Variants in GPHN observed in about 807,000 individuals in gnomAD.
GPHN encodes the protein gephyrin.
In GPHN, 17 loss-of-function variants were observed where a neutral mutation model predicts 95.5. The ratio of observed to expected loss-of-function variants is 0.18; its 90% confidence interval spans 0.12 to 0.27. The LOEUF is 0.27. Ranked by LOEUF, GPHN falls within the 10% of genes least tolerant of loss-of-function variation. The probability of loss-of-function intolerance (pLI) is 1.00; values close to 1 mark genes in which losing one functional copy is unlikely to be tolerated. For synonymous variants in GPHN, 320 were observed against 322.5 expected (o/e 0.99, Z 0.08); for missense variants, 660 against 978.1 (o/e 0.67, Z 4.34).
At chr14:67,254,675 T>C in the GPHN span, among the ~76,000 whole-genome samples, 3,114 of 152,350 alleles carry the variant, frequency 0.02, 103 homozygotes, top group African/African-American at 0.071. Context: ...CTGATAACTC[T>C]GAAATGGTTA....
At chr14:67,336,838 A>G in the GPHN span, 1 of 451,298 alleles carries the variant, frequency 2.2e-6, no homozygotes, top group Admixed American at 2.4e-5. Context: ...ACTGAACCTA[A>G]GATTTTATTC....
intron 5 of GPHN, among the ~76,000 whole-genome samples, chr14:66,900,126 G>T (rs1287394480): frequency 6.6e-6 from 1 of 151,306 alleles, no homozygotes; most frequent in African/African-American, 2.4e-5. Context: ...CCTGATATTG[G>T]TAATTTCCAT....
At chr14:66,573,065 G>T (rs2060760512) in intron 1 of GPHN, among the ~76,000 whole-genome samples, 1 of 152,174 alleles carries the variant, frequency 6.6e-6, no homozygotes, top group South Asian at 2.1e-4. Flanking sequence ...AATAATAAAT[G>T]ATACCATTTG....
At chr14:66,772,739 T>C (rs939090823) in intron 2 of GPHN, among the ~76,000 whole-genome samples, 2 of 152,232 alleles carry the variant, frequency 1.3e-5, no homozygotes, top group South Asian at 2.1e-4. Flanking sequence ...ATTTCTGATA[T>C]ATGTTTTTAA....
chr14:67,714,224 C>T, the GPHN span, among the ~76,000 whole-genome samples: 3 of 152,178 alleles, frequency 2.0e-5, no homozygotes, highest in Non-Finnish European at 2.9e-5. Flanking sequence ...CAGCCTCCAC[C>T]TTCAGGGCTC....
chr14:66,706,257 A>C (rs528103283), intron 2 of GPHN, among the ~76,000 whole-genome samples: 1 of 152,192 alleles, frequency 6.6e-6, no homozygotes, highest in Non-Finnish European at 1.5e-5. Flanking sequence ...TATAGATTCA[A>C]TGCTGTTCCC....
chr14:66,977,222 G>T (rs561304530), intron 9 of GPHN, among the ~76,000 whole-genome samples: 80 of 152,242 alleles, frequency 5.3e-4, no homozygotes, highest in Non-Finnish European at 9.9e-4. Flanking sequence ...ACGAGGCCAG[G>T]AGATCGAGAC....
the GPHN span, among the ~76,000 whole-genome samples, chr14:67,309,737 A>G: frequency 6.6e-6 from 1 of 152,208 alleles, no homozygotes; most frequent in Non-Finnish European, 1.5e-5. Context: ...TAATTACCCA[A>G]GGAACCTGAT....
chr14:66,995,789 G>A (rs755028114), intron 9 of GPHN, among the ~76,000 whole-genome samples: 4 of 152,118 alleles, frequency 2.6e-5, no homozygotes, highest in African/African-American at 9.7e-5. Flanking sequence ...TACTGTGAAC[G>A]TGTATGGTAG....
intron 1 of GPHN, among the ~76,000 whole-genome samples, chr14:66,597,272 T>C (rs1408275461): frequency 1.3e-5 from 2 of 152,204 alleles, no homozygotes; most frequent in Non-Finnish European, 2.9e-5. Flanking sequence ...GCTACTCACA[T>C]GCTCAAAATT....
chr14:66,670,298 T>A (rs2066231482), intron 1 of GPHN, among the ~76,000 whole-genome samples: 1 of 152,158 alleles, frequency 6.6e-6, no homozygotes, highest in Admixed American at 6.6e-5. Context: ...TTGAAGATGT[T>A]TGGAAGATTT....
the GPHN span, among the ~76,000 whole-genome samples, chr14:67,699,017 G>T: frequency 6.6e-6 from 1 of 152,076 alleles, no homozygotes; most frequent in Non-Finnish European, 1.5e-5. Flanking sequence ...TTGGGAGGCC[G>T]AAATGGATGG....
chr14:66,746,631 C>T (rs2058161357), intron 2 of GPHN, among the ~76,000 whole-genome samples: 1 of 150,738 alleles, frequency 6.6e-6, no homozygotes, highest in African/African-American at 2.5e-5. Flanking sequence ...TCCTGGTCTC[C>T]CTTCCCTAAG....
At chr14:66,801,290 T>G (rs8018159) in intron 3 of GPHN, among the ~76,000 whole-genome samples, 132,594 of 152,022 alleles carry the variant, frequency 0.87, 58,319 homozygotes, top group Middle Eastern at 0.98. Context: ...TAAAGTGTTA[T>G]GTATTTCCTG....
chr14:67,016,364 A>G (rs1364523171), intron 9 of GPHN, among the ~76,000 whole-genome samples: 4 of 152,078 alleles, frequency 2.6e-5, no homozygotes, highest in Non-Finnish European at 5.9e-5. Flanking sequence ...GCATTAAATA[A>G]CAAACTAGGA....
intron 19 of GPHN, among the ~76,000 whole-genome samples, chr14:67,159,821 C>G (rs550089658): frequency 1.3e-5 from 2 of 152,180 alleles, no homozygotes; most frequent in African/African-American, 4.8e-5. Context: ...AATATGAGAA[C>G]TCTGAAATAT....
chr14:66,946,476 GCTCGCTGCAAA>G (rs1369924355), intron 8 of GPHN, among the ~76,000 whole-genome samples: 1 of 152,084 alleles, frequency 6.6e-6, no homozygotes, highest in African/African-American at 2.4e-5. Context: ...CACAATCTCG[GCTCGCTGCAAA>G]CTCCACCTCC....
At chr14:67,205,078 C>T in the GPHN span, 1 of 1,549,964 alleles carries the variant, frequency 6.5e-7, no homozygotes, top group African/African-American at 1.4e-5. Flanking sequence ...CAGGGCCAAG[C>T]AAGAGGAGAA....
chr14:67,274,263 A>G, the GPHN span, among the ~76,000 whole-genome samples: 1 of 152,160 alleles, frequency 6.6e-6, no homozygotes, highest in East Asian at 1.9e-4. Context: ...TAGGTCTAAC[A>G]TTTAAGTCTT....
Sources: allele counts gnomAD v4.1 joint callset (sites outside exome capture counted in the v4.1 genomes callset), GRCh38; gene constraint gnomAD v4.1.1; transcripts MANE v1.5; gene names NCBI Gene and HGNC (gene_info 2026-07-23, HGNC 2026-07-21).